Variants in FSTL4 observed in about 807,000 individuals in gnomAD.
FSTL4 encodes the protein follistatin like 4.
In FSTL4, 28 loss-of-function variants were observed where a neutral mutation model predicts 78.2. The observed-to-expected ratio is 0.36, with a 90% CI of 0.27 to 0.49. The LOEUF (loss-of-function observed/expected upper bound fraction) is 0.49, where lower values mean the gene tolerates loss of function less well. Ranked by LOEUF, FSTL4 falls within the 20% of genes least tolerant of loss-of-function variation. FSTL4 has a pLI of 0.98. For missense variants in FSTL4, 922 were observed against 1,084.9 expected, an observed-to-expected ratio of 0.85 and a Z score of 2.11; for synonymous variants, 422 against 440.5, an observed-to-expected ratio of 0.96 and a Z score of 0.53.
the FSTL4 span, among the ~76,000 whole-genome samples, chr5:133,726,474 C>T: frequency 1.3e-5 from 2 of 152,204 alleles, no homozygotes; most frequent in African/African-American, 2.4e-5. Context: ...CTCACCGAGG[C>T]ACAGCCATCC....
At chr5:133,840,871 TTTTCCAAAGGTGATTGCTTG>T in the FSTL4 span, among the ~76,000 whole-genome samples, 3 of 152,198 alleles carry the variant, frequency 2.0e-5, no homozygotes, top group Non-Finnish European at 4.4e-5. Flanking sequence ...CACACAAAGA[TTTTCCAAAGGTGATTGCTTG>T]TTTCTCTGCT....
rs552307796 is a variant in FSTL4, at chr5:133,590,193, CTTA to C, written c.126+13662_126+13664del. On this transcript the variant is annotated intron_variant, in intron 2 of 15. Transcript: ENST00000265342. The stretch of plus-strand genomic sequence containing the variant: ...CAGTGGCATGATCTTCCTCTTTATT[CTTA>C]TAAGAGAAGGATAAGAGGAGCCATT... Among the ~76,000 whole-genome samples the C allele has an allele frequency of 8.5e-3, 1,288 of 151,998 alleles. 12 individuals are homozygous for C. Among genetic ancestry groups the C allele is most frequent in the Middle Eastern group, 0.017 (5 of 294 alleles).
chr5:133,721,920 T>A, the FSTL4 span, among the ~76,000 whole-genome samples: 1 of 152,180 alleles, frequency 6.6e-6, no homozygotes, highest in Non-Finnish European at 1.5e-5. Context: ...CAAATACTTG[T>A]TTGCTTAATG....
chr5:133,371,934 C>T (rs1755315453), intron 4 of FSTL4, among the ~76,000 whole-genome samples: 1 of 152,162 alleles, frequency 6.6e-6, no homozygotes, highest in South Asian at 2.1e-4. Flanking sequence ...CACCGGGAGG[C>T]CCATTGCAAA....
chr5:133,748,244 T>TC, the FSTL4 span, among the ~76,000 whole-genome samples: 1 of 150,640 alleles, frequency 6.6e-6, no homozygotes, highest in Non-Finnish European at 1.5e-5. Context: ...AACCAACTGC[T>TC]CCCTGCCCTT....
chr5:133,781,025 C>T, the FSTL4 span, among the ~76,000 whole-genome samples: 11 of 152,332 alleles, frequency 7.2e-5, no homozygotes, highest in African/African-American at 2.2e-4. Flanking sequence ...ACCCAGGTGC[C>T]GCCATGAGTG....
At chr5:133,400,662 C>T in intron 4 of FSTL4, 76 bp downstream of exon 4, 1 of 1,324,688 alleles carries the variant, frequency 7.5e-7, no homozygotes, top group Non-Finnish European at 1.1e-6. Flanking sequence ...GACTCAGCAC[C>T]CAGGTCACTT....
At chr5:133,768,858 C>T in the FSTL4 span, among the ~76,000 whole-genome samples, 1 of 152,356 alleles carries the variant, frequency 6.6e-6, no homozygotes, top group African/African-American at 2.4e-5. Flanking sequence ...GTTAGCTCCA[C>T]TGCTGGGGTA....
At chr5:133,835,131 T>C in the FSTL4 span, among the ~76,000 whole-genome samples, 3 of 152,220 alleles carry the variant, frequency 2.0e-5, no homozygotes, top group African/African-American at 7.2e-5. Flanking sequence ...GCAACCTCCA[T>C]GGTCTTCTAT....
intron 3 of FSTL4, among the ~76,000 whole-genome samples, chr5:133,491,016 C>T (rs1031640591): frequency 1.3e-5 from 2 of 152,096 alleles, no homozygotes; most frequent in East Asian, 3.8e-4. Context: ...TGCTGTTTAC[C>T]TGGGTGACAA....
At chr5:133,596,814 G>C (rs959392641) in intron 2 of FSTL4, among the ~76,000 whole-genome samples, 6 of 152,192 alleles carry the variant, frequency 3.9e-5, no homozygotes, top group Non-Finnish European at 8.8e-5. Flanking sequence ...AGCCCCGCAG[G>C]CCACTCACAC....
chr5:133,396,274 G>A (rs1166673449), intron 4 of FSTL4, among the ~76,000 whole-genome samples: 1 of 152,206 alleles, frequency 6.6e-6, no homozygotes, highest in Non-Finnish European at 1.5e-5. Context: ...CTGCATGCCA[G>A]GTGCTGCTCC....
intron 4 of FSTL4, among the ~76,000 whole-genome samples, chr5:133,354,600 G>C (rs965152307): frequency 2.0e-5 from 3 of 152,150 alleles, no homozygotes; most frequent in Non-Finnish European, 2.9e-5. Context: ...CTTGTGAACA[G>C]AGTTTGAACT....
In FSTL4 at chr5:133,435,141, T is replaced by C. The variant is rs567430649; in HGVS notation, c.161-34155A>G. Among the ~76,000 whole-genome samples, 4 of 152,312 alleles carry C rather than the reference T, an allele frequency of 2.6e-5. No individual in the cohort carries two copies. In the East Asian group the frequency reaches 5.8e-4, roughly 22 times the overall value. Reference sequence around the variant, plus strand: ...AATTGTATCTTCCTTTTTTATGTGGTTTAGGAAAGCCCCACTCACCTTAGT... The same window carrying C: ...AATTGTATCTTCCTTTTTTATGTGGCTTAGGAAAGCCCCACTCACCTTAGT... On this transcript the variant is annotated intron_variant, in intron 3 of 15. Coordinates refer to ENST00000265342, the MANE Select transcript of FSTL4 (RefSeq NM_015082.2).
the FSTL4 span, among the ~76,000 whole-genome samples, chr5:133,656,568 T>C: frequency 6.6e-6 from 1 of 151,740 alleles, no homozygotes; most frequent in African/African-American, 2.4e-5. Context: ...GCGTTCTGGG[T>C]GGAAGGGACA....
chr5:133,311,203 C>T (rs1206912813), intron 6 of FSTL4, among the ~76,000 whole-genome samples: 6 of 152,262 alleles, frequency 3.9e-5, no homozygotes, highest in African/African-American at 1.4e-4. Flanking sequence ...GTGGATACTT[C>T]CACACATTCC....
chr5:133,425,990 T>A (rs1189282272), intron 3 of FSTL4, among the ~76,000 whole-genome samples: 1 of 152,196 alleles, frequency 6.6e-6, no homozygotes, highest in East Asian at 1.9e-4. Flanking sequence ...TCTTCCTGTC[T>A]AAGTGCTGGG....
intron 4 of FSTL4, among the ~76,000 whole-genome samples, chr5:133,385,361 G>A (rs1403857466): frequency 1.3e-5 from 2 of 152,260 alleles, no homozygotes; most frequent in African/African-American, 4.8e-5. Context: ...CCTCAGGAGT[G>A]TGAACAAACA....
At chr5:133,495,405 A>G (rs1057436262) in intron 3 of FSTL4, among the ~76,000 whole-genome samples, 2 of 152,258 alleles carry the variant, frequency 1.3e-5, no homozygotes, top group Non-Finnish European at 2.9e-5. Flanking sequence ...TAAGTGCCAC[A>G]AATCATTCTC....
Sources: gnomAD v4.1 joint callset for allele counts (sites outside exome capture counted in the v4.1 genomes callset) on GRCh38, gnomAD v4.1.1 for gene constraint, MANE v1.5 for transcripts, NCBI Gene and HGNC (gene_info 2026-07-23, HGNC 2026-07-21) for gene names.